Variants in MYLK observed in about 807,000 individuals in gnomAD.
The protein encoded by MYLK is myosin light chain kinase, also known as myosin light chain kinase, smooth muscle.
Under a neutral mutation model 203.4 loss-of-function variants are expected in MYLK, and 106 were observed. The observed-to-expected ratio is 0.52, with a 90% confidence interval of 0.45 to 0.61. The LOEUF is 0.61. Ranked by LOEUF, MYLK falls within the 20% of genes least tolerant of loss-of-function variation. MYLK has a pLI of 0.00. For missense variants in MYLK, 2,072 were observed against 2,442.3 expected (o/e 0.85, Z 3.20); for synonymous variants, 867 against 959.5 (o/e 0.90, Z 1.78).
chr3:123,781,869 C>G (rs2064313316), intron 4 of MYLK, among the ~76,000 whole-genome samples: 8 of 152,160 alleles, frequency 5.3e-5, no homozygotes, highest in Admixed American at 5.2e-4. Flanking sequence ...TCTAAACACT[C>G]AAAATCTTTC....
At chr3:123,620,499 T>TG in intron 31 of MYLK, 163 bp from the exon 32 acceptor site, 10 of 1,528,850 alleles carry the variant, frequency 6.5e-6, no homozygotes, top group Non-Finnish European at 8.8e-6. Context: ...AACCCAACCT[T>TG]GCTCTGCTCA....
At chr3:123,660,252 C>T (rs145656098) in intron 23 of MYLK, among the ~76,000 whole-genome samples, 77 of 152,326 alleles carry the variant, frequency 5.1e-4, no homozygotes, top group African/African-American at 1.7e-3. Context: ...GGCTATCAGG[C>T]AGAATGAGCT....
intron 3 of MYLK, among the ~76,000 whole-genome samples, chr3:123,805,155 T>A (rs550551867): frequency 1.3e-5 from 2 of 152,158 alleles, no homozygotes; most frequent in Non-Finnish European, 2.9e-5. Context: ...CTGGGGATAC[T>A]TCTATTCCAA....
intron 29 of MYLK, among the ~76,000 whole-genome samples, chr3:123,633,514 T>G (rs899130732): frequency 6.6e-6 from 1 of 152,230 alleles, no homozygotes; most frequent in African/African-American, 2.4e-5. Context: ...TGGTCTTATC[T>G]AGTTTTTAAC....
At chr3:123,632,105 C>T (rs767917924) in intron 29 of MYLK, among the ~76,000 whole-genome samples, 1 of 152,016 alleles carries the variant, frequency 6.6e-6, no homozygotes, top group African/African-American at 2.4e-5. Context: ...CTCCTGACCT[C>T]GTGTCGTGAT....
At chr3:123,715,677 G>A (rs1229590447) in intron 13 of MYLK, among the ~76,000 whole-genome samples, 1 of 152,126 alleles carries the variant, frequency 6.6e-6, no homozygotes, top group African/African-American at 2.4e-5. Context: ...TCTAGGACCT[G>A]ACACTAGGAA....
intron 2 of MYLK, among the ~76,000 whole-genome samples, chr3:123,834,260 G>A (rs1274180118): frequency 6.6e-6 from 1 of 152,122 alleles, no homozygotes; most frequent in Non-Finnish European, 1.5e-5. Flanking sequence ...TGGCTAGGCT[G>A]GTCTTGAACT....
chr3:123,834,945 G>A (rs1235857517), intron 2 of MYLK, among the ~76,000 whole-genome samples: 1 of 152,212 alleles, frequency 6.6e-6, no homozygotes, highest in Non-Finnish European at 1.5e-5. Flanking sequence ...AGCCTGAAGG[G>A]TATTGTTGGC....
intron 11 of MYLK, among the ~76,000 whole-genome samples, chr3:123,728,493 C>T (rs149007348): frequency 1.1e-4 from 17 of 152,052 alleles, no homozygotes; most frequent in Non-Finnish European, 2.4e-4. Flanking sequence ...GGTGACAGAG[C>T]GAGACTCTGT....
At chr3:123,659,199 A>G (rs904082654) in intron 23 of MYLK, among the ~76,000 whole-genome samples, 1 of 152,244 alleles carries the variant, frequency 6.6e-6, no homozygotes, top group African/African-American at 2.4e-5. Context: ...GAGGGATGGA[A>G]GACAGACCCA....
At chr3:123,662,977 AC>A (rs1212034069) in intron 23 of MYLK, among the ~76,000 whole-genome samples, 1 of 151,856 alleles carries the variant, frequency 6.6e-6, no homozygotes, top group African/African-American at 2.4e-5. Context: ...CAAATGGAAA[AC>A]CCGCTCGGGT....
chr3:123,683,364 C>T (rs1387817977), intron 19 of MYLK, among the ~76,000 whole-genome samples: 1 of 152,140 alleles, frequency 6.6e-6, no homozygotes, highest in African/African-American at 2.4e-5. Context: ...AGGAAGTGCC[C>T]TCTCATGGTC....
chr3:123,646,428 A>T (rs1193935575), intron 27 of MYLK, among the ~76,000 whole-genome samples: 1 of 152,234 alleles, frequency 6.6e-6, no homozygotes, highest in Admixed American at 6.5e-5. Context: ...TATTCTAAAA[A>T]TTCAGATAAA....
intron 4 of MYLK, among the ~76,000 whole-genome samples, chr3:123,777,105 G>GTTTGTGT (rs2064107607): frequency 6.6e-6 from 1 of 152,348 alleles, no homozygotes; most frequent in East Asian, 1.9e-4. Context: ...CTCAAAGTAA[G>GTTTGTGT]CCATTTAGAG....
intron 3 of MYLK, among the ~76,000 whole-genome samples, chr3:123,796,344 A>C (rs1299087953): frequency 6.6e-6 from 1 of 152,166 alleles, no homozygotes; most frequent in South Asian, 2.1e-4. Flanking sequence ...CAGGCATTTG[A>C]ACCCAAGCAC....
chr3:123,756,150 GT>G (rs964895886), intron 4 of MYLK, among the ~76,000 whole-genome samples: 112 of 152,306 alleles, frequency 7.4e-4, no homozygotes, highest in African/African-American at 2.5e-3. Flanking sequence ...AGGTTGAGTG[GT>G]TGTCTCCATG....
intron 4 of MYLK, among the ~76,000 whole-genome samples, chr3:123,771,485 A>G (rs1216673683): frequency 6.6e-6 from 1 of 152,150 alleles, no homozygotes; most frequent in African/African-American, 2.4e-5. Flanking sequence ...TCTTTGTAAT[A>G]CAATCATTTC....
chr3:123,714,350 G>A (rs575694828), intron 13 of MYLK, among the ~76,000 whole-genome samples: 5 of 152,170 alleles, frequency 3.3e-5, no homozygotes, highest in Non-Finnish European at 7.3e-5. Context: ...GGAGCTTTCT[G>A]TCATCATCCA....
intron 2 of MYLK, among the ~76,000 whole-genome samples, chr3:123,840,613 C>A (rs1019216945): frequency 6.6e-6 from 1 of 151,284 alleles, no homozygotes; most frequent in Non-Finnish European, 1.5e-5. Flanking sequence ...ATAAAAAAAA[C>A]CATGGAACAA....
Sources: allele counts gnomAD v4.1 joint callset (sites outside exome capture counted in the v4.1 genomes callset), GRCh38; gene constraint gnomAD v4.1.1; transcripts MANE v1.5; gene names NCBI Gene and HGNC (gene_info 2026-07-23, HGNC 2026-07-21).